The following LDB2 variants were observed in gnomAD, a reference collection of about 807,000 sequenced individuals.
The protein encoded by LDB2 is LIM domain binding 2.
In LDB2, 12 loss-of-function variants were observed where a neutral mutation model predicts 44.3. The ratio of observed to expected loss-of-function variants is 0.27; its 90% CI spans 0.17 to 0.44. LDB2 has a LOEUF of 0.44. LDB2 is among the 20% of genes least tolerant of loss of function. LDB2 has a pLI of 1.00. For synonymous variants in LDB2, 164 were observed against 174.8 expected, an observed-to-expected ratio of 0.94 and a Z score of 0.49; for missense variants, 344 against 473.5, an observed-to-expected ratio of 0.73 and a Z score of 2.54.
chr4:16,621,498 G>T (rs922623274), intron 2 of LDB2, among the ~76,000 whole-genome samples: 4 of 151,880 alleles, frequency 2.6e-5, no homozygotes, highest in African/African-American at 4.8e-5. Flanking sequence ...AAGAGTTTGG[G>T]GTCTCCCAAA....
At chr4:16,837,405 T>C (rs1785066627) in intron 1 of LDB2, among the ~76,000 whole-genome samples, 1 of 152,170 alleles carries the variant, frequency 6.6e-6, no homozygotes, top group African/African-American at 2.4e-5. Flanking sequence ...GTTGTTACAG[T>C]GATGGTCACC....
At position 16,512,054 on chromosome 4, in the gene LDB2, A is replaced by G. The variant is rs1222297051; in HGVS notation, c.666T>C (p.Thr222=). Reference sequence around the variant, plus strand: ...GGCAGTCTCGGGGACTGAGGTTGTAAGTTTTATGTCTCGACATCAGTTCCT... The same window carrying G: ...GGCAGTCTCGGGGACTGAGGTTGTAGGTTTTATGTCTCGACATCAGTTCCT... ...PMQELMSRHK[T]YNLSPRDCLK... Residue 222 remains threonine, a synonymous_variant, in exon 6 of 8, where the codon ACT becomes ACC. Coordinates refer to ENST00000304523, the MANE Select transcript of LDB2 (RefSeq NM_001290.5). 1.5e-5 allele frequency: 24 copies of G among 1,613,662 alleles called. No homozygotes were observed. Among genetic ancestry groups the G allele is most frequent in the Non-Finnish European group, 2.0e-5 (24 of 1,179,822 alleles).
chr4:16,670,687 C>A (rs560945047), intron 2 of LDB2, among the ~76,000 whole-genome samples: 1 of 152,274 alleles, frequency 6.6e-6, no homozygotes, highest in African/African-American at 2.4e-5. Flanking sequence ...TGGCCTTGGG[C>A]AAATTACTTA....
chr4:16,716,500 G>A (rs1757104672), intron 2 of LDB2, among the ~76,000 whole-genome samples: 2 of 152,206 alleles, frequency 1.3e-5, no homozygotes, highest in South Asian at 4.1e-4. Flanking sequence ...GACACCTGAA[G>A]TAGCAATGCT....
intron 2 of LDB2, among the ~76,000 whole-genome samples, chr4:16,673,930 A>C (rs1745581432): frequency 6.6e-6 from 1 of 152,214 alleles, no homozygotes; most frequent in Non-Finnish European, 1.5e-5. Flanking sequence ...TCCACTATCA[A>C]AAGACCCATT....
chr4:16,573,023 T>C (rs1747126239), intron 5 of LDB2, among the ~76,000 whole-genome samples: 1 of 152,222 alleles, frequency 6.6e-6, no homozygotes, highest in African/African-American at 2.4e-5. Context: ...TATGGGCCCA[T>C]GCCAGGGTTC....
rs151009148 is a variant in LDB2, at chr4:16,784,743, G to A, written c.133-25483C>T. On this transcript the variant is annotated intron_variant, in intron 1 of 7. Coordinates refer to ENST00000304523, the MANE Select transcript of LDB2 (RefSeq NM_001290.5). ...CTGGGGTCTAATCCTAGCCTGCCAT[G>A]GTAGCCCACCACTCTCTCCTTCTTC... 2.3e-4 allele frequency among the ~76,000 whole-genome samples: 35 copies of A among 152,196 alleles called. No individual in the cohort carries two copies. In the East Asian group the frequency reaches 6.2e-3, roughly 27 times the overall value.
chr4:16,535,493 A>G (rs569636021), intron 5 of LDB2, among the ~76,000 whole-genome samples: 1 of 152,330 alleles, frequency 6.6e-6, no homozygotes, highest in African/African-American at 2.4e-5. Flanking sequence ...TACAATAAAC[A>G]AAGCAGACAT....
intron 1 of LDB2, among the ~76,000 whole-genome samples, chr4:16,897,725 A>G (rs1725455233): frequency 6.6e-6 from 1 of 151,806 alleles, no homozygotes; most frequent in South Asian, 2.1e-4. Context: ...CCTTGCCCCA[A>G]GCAACTGGTT....
chr4:16,633,614 G>A (rs1337121874), intron 2 of LDB2, among the ~76,000 whole-genome samples: 1 of 152,076 alleles, frequency 6.6e-6, no homozygotes, highest in Non-Finnish European at 1.5e-5. Context: ...AATAAGAGAG[G>A]ACACAAACAA....
intron 2 of LDB2, among the ~76,000 whole-genome samples, chr4:16,638,286 GTGT>G (rs1365229915): frequency 6.6e-6 from 1 of 152,210 alleles, no homozygotes; most frequent in Non-Finnish European, 1.5e-5. Flanking sequence ...ACTCTTTGTG[GTGT>G]TGAATGGGCA....
At chr4:16,699,626 T>G (rs992689435) in intron 2 of LDB2, among the ~76,000 whole-genome samples, 1 of 152,074 alleles carries the variant, frequency 6.6e-6, no homozygotes, top group African/African-American at 2.4e-5. Flanking sequence ...GAAACTACAC[T>G]GAGAATTGTG....
At chr4:16,707,434 C>T (rs1321098012) in intron 2 of LDB2, among the ~76,000 whole-genome samples, 1 of 152,036 alleles carries the variant, frequency 6.6e-6, no homozygotes, top group Non-Finnish European at 1.5e-5. Flanking sequence ...TAAAATAAAT[C>T]CTGGAATTTA....
At chr4:16,776,728 T>G (rs573332656) in intron 1 of LDB2, among the ~76,000 whole-genome samples, 60 of 152,286 alleles carry the variant, frequency 3.9e-4, no homozygotes, top group African/African-American at 1.4e-3. Flanking sequence ...TTAGATAGCA[T>G]TAAGTGTACA....
At chr4:16,845,869 A>G (rs1214214239) in intron 1 of LDB2, among the ~76,000 whole-genome samples, 1 of 152,146 alleles carries the variant, frequency 6.6e-6, no homozygotes. Flanking sequence ...GCAGTTTGGG[A>G]GGCCGAGGTG....
At chr4:16,748,774 C>T (rs550465784) in intron 2 of LDB2, among the ~76,000 whole-genome samples, 19 of 152,084 alleles carry the variant, frequency 1.2e-4, no homozygotes, top group Admixed American at 5.2e-4. Flanking sequence ...AAATGCTTTA[C>T]GTTTAAAAAA....
chr4:16,823,495 A>AT (rs112467730), intron 1 of LDB2, among the ~76,000 whole-genome samples: 39 of 151,610 alleles, frequency 2.6e-4, no homozygotes, highest in African/African-American at 3.9e-4. Flanking sequence ...TTTTAAGTAC[A>AT]TTTTTTTTTA....
At chr4:16,849,148 G>T (rs1179010597) in intron 1 of LDB2, among the ~76,000 whole-genome samples, 1 of 151,936 alleles carries the variant, frequency 6.6e-6, no homozygotes, top group Admixed American at 6.6e-5. Flanking sequence ...TTTTCCCTCT[G>T]TCTTTCTTTT....
rs1716643278 is a variant in LDB2, at chr4:16,585,954, C to G, written c.583G>C (p.Gly195Arg). The change falls in exon 5 of 8, where the codon GGG becomes CGG. Residue 195 changes from glycine (G) to arginine (R), a missense_variant. Coordinates refer to ENST00000304523, the MANE Select transcript of LDB2 (RefSeq NM_001290.5). ...TAGTTGAGGGTGAAGTTTGTTAGCC[C>G]CATCCTGGTGATGTTTTTGGACAGC... Reference protein sequence around the residue: ...DQLSKNITRMGLTNFTLNYLR... With the variant: ...DQLSKNITRMRLTNFTLNYLR... 6.2e-7 allele frequency: 1 copy of G among 1,613,752 alleles called. No individual in the cohort carries two copies. Among genetic ancestry groups the G allele is most frequent in the Non-Finnish European group, 8.5e-7 (1 of 1,179,788 alleles).
Sources: gnomAD v4.1 joint callset for allele counts (sites outside exome capture counted in the v4.1 genomes callset) on GRCh38, gnomAD v4.1.1 for gene constraint, MANE v1.5 for transcripts, NCBI Gene and HGNC (gene_info 2026-07-23, HGNC 2026-07-21) for gene names.